Variants in ALG14 observed in about 807,000 individuals in gnomAD.
ALG14 encodes the protein UDP-N-acetylglucosamine transferase subunit ALG14.
Under a neutral mutation model 22.8 loss-of-function variants are expected in ALG14, and 17 were observed. That is an observed-to-expected ratio of 0.75 (90% CI 0.51 to 1.12). The LOEUF is 1.12. Ranked by LOEUF, ALG14 falls within the 50% of genes most tolerant of loss-of-function variation. ALG14 has a pLI of 0.00. For synonymous variants in ALG14, 89 were observed against 103.7 expected (o/e 0.86, Z 0.86); for missense variants, 288 against 271.8 (o/e 1.06, Z -0.42).
Position 95,033,444 on chromosome 1 carries a change from CAT to C in ALG14, c.289-6186_289-6185del, listed in dbSNP as rs1491322016. On this transcript the variant is annotated intron_variant, in intron 2 of 3. Transcript: ENST00000370205. ...ATACACACACACACACACACACACA[CAT>C]ACATATATATACACACACACACACA... 9.2e-3 allele frequency among the ~76,000 whole-genome samples: 1,342 copies of C among 145,656 alleles called. 12 individuals are homozygous for C. Among genetic ancestry groups the C allele is most frequent in the Admixed American group, 0.015 (225 of 14,520 alleles).
rs920685317 is a variant in ALG14, at chr1:94,981,892, A to G, written c.*1184T>C. The G allele has an allele frequency of 4.6e-5, 7 of 152,104 alleles. 1 individual carries two copies. Among genetic ancestry groups the G allele is most frequent in the Admixed American group, 2.0e-4 (3 of 15,266 alleles). 9.4% of individuals were successfully genotyped at this position (152,104 alleles called of 1,614,324 possible). A position where few individuals can be genotyped will look rare whatever the true frequency, so the allele number is the denominator to read the frequency against. ...AAATATAAGTTCATTGTTTAAAAAAATATTCAGAAGTTCAAGAGAGTCACA... is the reference window on the plus strand; with the variant it reads ...AAATATAAGTTCATTGTTTAAAAAAGTATTCAGAAGTTCAAGAGAGTCACA... On this transcript the variant is annotated 3_prime_UTR_variant, in exon 4 of 4. Transcript: ENST00000370205.
At chr1:95,029,005 T>C (rs1673912804) in intron 2 of ALG14, among the ~76,000 whole-genome samples, 1 of 152,246 alleles carries the variant, frequency 6.6e-6, no homozygotes, top group Non-Finnish European at 1.5e-5. Flanking sequence ...GGTTACCTAT[T>C]TCTGTGTAAC....
rs565749316 is a variant in ALG14 at position 94,994,874 on chromosome 1, C to G, written c.421-11568G>C. Among the ~76,000 whole-genome samples the G allele has an allele frequency of 1.9e-4, 29 of 152,254 alleles. No homozygotes were observed. The South Asian group carries it at 4.8e-3, about 25-fold the overall frequency. On this transcript the variant is annotated intron_variant, in intron 3 of 3. Transcript: ENST00000370205. ...GATATCAGTAGCAGACTATAACATG[C>G]TATTATTACAGTAATATGGATTAGG... is the stretch of plus-strand genomic sequence containing the variant.
rs962320792 is a variant in ALG14, at chr1:94,980,611, G to A, written c.*2465C>T. 6.6e-5 allele frequency: 10 copies of A among 152,200 alleles called. No individual in the cohort carries two copies. The highest frequency in any genetic ancestry group is 1.5e-4 in the Non-Finnish European group (10 of 68,046). The allele number at this position is 152,200 out of a possible 1,614,324, so 9.4% of individuals were successfully genotyped here. Reference sequence around the variant, plus strand: ...GAATGTCACAGAAATGCACAGCAGGGAAATTGTGCCACCAGCCCCCTCTGC... The same window carrying A: ...GAATGTCACAGAAATGCACAGCAGGAAAATTGTGCCACCAGCCCCCTCTGC... On this transcript the variant is annotated 3_prime_UTR_variant, in exon 4 of 4. Coordinates refer to ENST00000370205, the MANE Select transcript of ALG14 (RefSeq NM_144988.4).
intron 3 of ALG14, among the ~76,000 whole-genome samples, chr1:95,003,790 G>A (rs1020210367): frequency 2.0e-5 from 3 of 152,018 alleles, no homozygotes; most frequent in Non-Finnish European, 4.4e-5. Flanking sequence ...AAAAAAGTTA[G>A]AGAGGAAAAT....
chr1:95,053,717 C>T (rs1201165591), intron 2 of ALG14, among the ~76,000 whole-genome samples: 1 of 152,172 alleles, frequency 6.6e-6, no homozygotes, highest in African/African-American at 2.4e-5. Context: ...TGAGCCACAG[C>T]ACTCAGCCCA....
chr1:94,988,365 A>G (rs1672692336), intron 3 of ALG14, among the ~76,000 whole-genome samples: 2 of 152,250 alleles, frequency 1.3e-5, no homozygotes, highest in South Asian at 4.1e-4. Flanking sequence ...TGTGTCAAAG[A>G]TGATGAAATG....
rs116488746 is a variant in ALG14, at chr1:94,992,781, T to C, written c.421-9475A>G. 2.0e-3 allele frequency among the ~76,000 whole-genome samples: 298 copies of C among 152,078 alleles called. 1 individual carries two copies. The highest frequency in any genetic ancestry group is 6.8e-3 in the African/African-American group (284 of 41,476). On this transcript the variant is annotated intron_variant, in intron 3 of 3. Coordinates refer to ENST00000370205, the MANE Select transcript of ALG14 (RefSeq NM_144988.4). ...GCGGTGAAGTGGAGAATGTTAGGGA[T>C]GGGGAATGCTAACCAAACCAGAAGC...
In ALG14 at chr1:95,070,651, C is replaced by A. The variant is rs1675528667; in HGVS notation, c.136+2112G>T. Among the ~76,000 whole-genome samples the A allele has an allele frequency of 2.0e-5, 3 of 152,318 alleles. No individual in the cohort carries two copies. The East Asian group carries it at 5.8e-4, about 29-fold the overall frequency. ...TAAACTCTTCTAACTGGATATTGAG[C>A]CCTTTGATTATTTTAGGTTGACACT... On this transcript the variant is annotated intron_variant, in intron 1 of 3. Transcript: ENST00000370205.
At chr1:95,027,623 A>G (rs1206225554) in intron 2 of ALG14, among the ~76,000 whole-genome samples, 1 of 152,264 alleles carries the variant, frequency 6.6e-6, no homozygotes, top group Non-Finnish European at 1.5e-5. Flanking sequence ...AGACAGACAG[A>G]TAACTCCAAA....
At chr1:95,049,226 A>AT (rs1674664431) in intron 2 of ALG14, among the ~76,000 whole-genome samples, 1 of 152,188 alleles carries the variant, frequency 6.6e-6, no homozygotes, top group Admixed American at 6.5e-5. Context: ...AAAAAGATAA[A>AT]TAAATAAACA....
intron 2 of ALG14, among the ~76,000 whole-genome samples, chr1:95,060,584 T>C (rs1031336778): frequency 1.3e-5 from 2 of 149,958 alleles, no homozygotes; most frequent in Non-Finnish European, 3.0e-5. Context: ...GACATGATAG[T>C]AGGCACCTGT....
At chr1:95,031,449 T>A (rs1673998434) in intron 2 of ALG14, among the ~76,000 whole-genome samples, 1 of 152,168 alleles carries the variant, frequency 6.6e-6, no homozygotes, top group African/African-American at 2.4e-5. Flanking sequence ...GGCTTACAGC[T>A]CTAAACTAGA....
chr1:95,067,248 T>C (rs1261279547), intron 1 of ALG14: 3 of 152,232 alleles, frequency 2.0e-5, no homozygotes, highest in Admixed American at 2.0e-4. Context: ...TGCAAGGACA[T>C]CTGCCCAGCA....
chr1:94,981,804 T>G lies in ALG14; in HGVS notation c.*1272A>C, dbSNP rs1672501687. On this transcript the variant is annotated 3_prime_UTR_variant, in exon 4 of 4. Transcript: ENST00000370205. ...ACTAACTATTGTACTTCTATTCCAGTAGACATGGCACCACTAGAAACACAG... is the reference window on the plus strand; with the variant it reads ...ACTAACTATTGTACTTCTATTCCAGGAGACATGGCACCACTAGAAACACAG... 1 of 151,886 alleles carries G rather than the reference T, an allele frequency of 6.6e-6. No individual in the cohort carries two copies. Among genetic ancestry groups the G allele is most frequent in the Non-Finnish European group, 1.5e-5 (1 of 67,972 alleles). The allele number at this position is 151,886 out of a possible 1,614,324, so 9.4% of individuals were successfully genotyped here.
chr1:95,013,639 A>T (rs991629935), intron 3 of ALG14, among the ~76,000 whole-genome samples: 2 of 152,158 alleles, frequency 1.3e-5, no homozygotes, highest in African/African-American at 4.8e-5. Context: ...TCTTTTTAAT[A>T]AAAATACAGC....
chr1:95,062,881 T>C (rs1675215792), intron 2 of ALG14, among the ~76,000 whole-genome samples: 1 of 152,244 alleles, frequency 6.6e-6, no homozygotes, highest in South Asian at 2.1e-4. Flanking sequence ...CCACACTATC[T>C]TCCACAATGG....
intron 2 of ALG14, among the ~76,000 whole-genome samples, chr1:95,040,931 C>T (rs949547608): frequency 4.6e-5 from 7 of 152,082 alleles, no homozygotes; most frequent in South Asian, 4.1e-4. Context: ...TTCATCTGTT[C>T]AGAACATGAT....
In ALG14 at chr1:95,030,935, G is replaced by C. The variant is rs142289262; in HGVS notation, c.289-3675C>G. On this transcript the variant is annotated intron_variant, in intron 2 of 3. Transcript: ENST00000370205. ...ATATAAAATAGAAAATCAGGCCTGA[G>C]GGTAAGGCAACAAGACCAGTAACTA... 5.3e-5 allele frequency among the ~76,000 whole-genome samples: 8 copies of C among 152,306 alleles called. No homozygotes were observed. The East Asian group carries it at 1.5e-3, about 29-fold the overall frequency.
Sources: gnomAD v4.1 joint callset for allele counts (sites outside exome capture counted in the v4.1 genomes callset) on GRCh38, gnomAD v4.1.1 for gene constraint, MANE v1.5 for transcripts, NCBI Gene and HGNC (gene_info 2026-07-23, HGNC 2026-07-21) for gene names.